Variants in OR4K1 observed in about 807,000 individuals in gnomAD.
OR4K1 encodes the protein olfactory receptor 4K1.
In OR4K1, 16 loss-of-function variants were observed where a neutral mutation model predicts 14.4. The ratio of observed to expected loss-of-function variants is 1.11; its 90% CI spans 0.75 to 1.68. The LOEUF (loss-of-function observed/expected upper bound fraction) is 1.68. Among genes scored for constraint, OR4K1 ranks in the 40% most tolerant of loss-of-function variants. The pLI, the probability that OR4K1 is intolerant of heterozygous loss-of-function variation, is 0.00. For synonymous variants in OR4K1, 181 were observed against 133.1 expected (o/e 1.36, Z -2.48); for missense variants, 548 against 376.9 (o/e 1.45, Z -3.76).
At chr14:19,927,984 T>G (rs1215716753), upstream of OR4K1, among the ~76,000 whole-genome samples, 1 of 152,226 alleles carries the variant, frequency 6.6e-6, no homozygotes, top group East Asian at 1.9e-4. Flanking sequence ...GATCCATTTT[T>G]CTGGGAAGCT....
the OR4K1 span, among the ~76,000 whole-genome samples, chr14:19,923,293 G>A: frequency 3.9e-5 from 6 of 152,146 alleles, no homozygotes; most frequent in Admixed American, 2.6e-4. Flanking sequence ...CCCATATTAC[G>A]CTGTTTTAAT....
rs760784894 is a variant in OR4K1 at position 19,935,690 on chromosome 14, G to A, written c.24G>A (p.Met8Ile). The A allele has an allele frequency of 6.2e-7, 1 of 1,603,426 alleles. No individual in the cohort carries two copies. Among genetic ancestry groups the A allele is most frequent in the South Asian group, 1.1e-5 (1 of 88,542 alleles). ...ACATGGCTCACACAAATGAATCGAT[G>A]GTGTCTGAGTTTGTACTTTTGGGAC... is the stretch of plus-strand genomic sequence containing the variant. Reference protein sequence around the residue: MAHTNESMVSEFVLLGLS... With the variant: MAHTNESIVSEFVLLGLS... Residue 8 changes from methionine to isoleucine, a missense_variant, in exon 2 of 2, where the codon ATG becomes ATA. By Grantham distance (10) the Met-to-Ile change is conservative. Transcript: ENST00000641172.
the OR4K1 span, chr14:19,921,270 C>T: frequency 6.2e-7 from 1 of 1,614,138 alleles, no homozygotes. Context: ...CATCATTATT[C>T]TTGTTACAGT....
upstream of OR4K1, among the ~76,000 whole-genome samples, chr14:19,926,078 T>G (rs1882058786): frequency 6.6e-6 from 1 of 152,266 alleles, no homozygotes; most frequent in Admixed American, 6.5e-5. Context: ...CTACATTTCA[T>G]CATAAATACT....
rs1260524670 is a variant in OR4K1 at position 19,936,490 on chromosome 14, A to G, written c.824A>G (p.Tyr275Cys). The G allele has an allele frequency of 1.2e-6, 2 of 1,613,946 alleles. No homozygotes were observed. Among genetic ancestry groups the G allele is most frequent in the Admixed American group, 3.3e-5 (2 of 60,016 alleles). The stretch of plus-strand genomic sequence containing the variant: ...GTGGACAAATTTCTTTCTGTGTTCT[A>G]CACTGTTTGTACTCCCTTGTTGAAC... ...LPVDKFLSVF[Y>C]TVCTPLLNPI... Residue 275 changes from tyrosine (Y) to cysteine (C), a missense_variant, in exon 2 of 2, where the codon TAC (tyrosine) becomes TGC (cysteine). Physicochemically the swap from Tyr to Cys is radical, Grantham distance 194. Coordinates refer to ENST00000641172, the MANE Select transcript of OR4K1 (RefSeq NM_001004063.3).
upstream of OR4K1, among the ~76,000 whole-genome samples, chr14:19,927,908 T>C (rs534951258): frequency 1.8e-4 from 28 of 152,336 alleles, no homozygotes; most frequent in African/African-American, 6.5e-4. Flanking sequence ...CAAAAGTATT[T>C]ACAGTGAAGA....
At chr14:19,921,317 T>C in the OR4K1 span, 8 of 1,614,202 alleles carry the variant, frequency 5.0e-6, no homozygotes, top group Non-Finnish European at 5.9e-6. Context: ...CAAAGGCATT[T>C]TCTACGCTGG....
Position 19,935,771 on chromosome 14 carries a change from T to A in OR4K1, c.105T>A (p.Tyr35Ter). 6.2e-7 allele frequency: 1 copy of A among 1,614,216 alleles called. No individual in the cohort carries two copies. The highest frequency in any genetic ancestry group is 1.3e-5 in the African/African-American group (1 of 75,086). ...LFFFAIFSIV[Y>*]VTSVLGNVLI... ...TTTTTGCCATCTTCTCTATAGTCTATGTGACATCAGTGCTAGGCAATGTCT... is the reference window on the plus strand; with the variant it reads ...TTTTTGCCATCTTCTCTATAGTCTAAGTGACATCAGTGCTAGGCAATGTCT... The change falls in exon 2 of 2, where the codon TAT becomes TAA. Residue 35 changes from tyrosine (Y) to a stop codon, truncating the protein, a stop_gained. Transcript: ENST00000641172. LOFTEE classifies it high-confidence loss of function.
At chr14:19,934,956 A>G (rs61111417) in intron 1 of OR4K1, among the ~76,000 whole-genome samples, 1 of 152,290 alleles carries the variant, frequency 6.6e-6, no homozygotes, top group South Asian at 2.1e-4. Context: ...TACAGGCATG[A>G]CCCACCGTGC....
chr14:19,932,481 C>A (rs1391758738), intron 1 of OR4K1, among the ~76,000 whole-genome samples: 1 of 152,170 alleles, frequency 6.6e-6, no homozygotes. Context: ...CAAGTGACAT[C>A]GCCATTTCAC....
the OR4K1 span, among the ~76,000 whole-genome samples, chr14:19,923,923 G>C: frequency 6.6e-6 from 1 of 152,154 alleles, no homozygotes; most frequent in African/African-American, 2.4e-5. Context: ...TGTGGGTTCT[G>C]TCTCCTGACT....
At position 19,935,797 on chromosome 14, in the gene OR4K1, T is replaced by G. The variant is rs1282641241; in HGVS notation, c.131T>G (p.Leu44Ter). ...VYVTSVLGNV[L>*]IIVIISFDSH... Reference sequence around the variant, plus strand: ...GTGACATCAGTGCTAGGCAATGTCTTAATTATTGTCATTATTTCTTTTGAC... The same window carrying G: ...GTGACATCAGTGCTAGGCAATGTCTGAATTATTGTCATTATTTCTTTTGAC... The change falls in exon 2 of 2, where the codon TTA (leucine) becomes TGA (stop). Residue 44 changes from leucine to a stop codon, truncating the protein, a stop_gained. Coordinates refer to ENST00000641172, the MANE Select transcript of OR4K1 (RefSeq NM_001004063.3). LOFTEE classifies it high-confidence loss of function. 1 of 1,614,204 alleles carries G rather than the reference T, an allele frequency of 6.2e-7. No homozygotes were observed. Among genetic ancestry groups the G allele is most frequent in the Admixed American group, 1.7e-5 (1 of 60,028 alleles).
At chr14:19,921,407 G>A in the OR4K1 span, 14 of 1,614,012 alleles carry the variant, frequency 8.7e-6, no homozygotes, top group Non-Finnish European at 1.2e-5. Flanking sequence ...TCTCTCCTTT[G>A]GATAAATTTC....
the OR4K1 span, among the ~76,000 whole-genome samples, chr14:19,920,413 A>G: frequency 6.6e-6 from 1 of 152,238 alleles, no homozygotes; most frequent in Non-Finnish European, 1.5e-5. Flanking sequence ...AGACATTTAC[A>G]TAAGTTCTTT....
intron 1 of OR4K1, 69 bp from the exon 2 acceptor site, chr14:19,935,579 C>T: frequency 1.7e-6 from 2 of 1,153,254 alleles, no homozygotes; most frequent in Non-Finnish European, 2.5e-6. Flanking sequence ...GACTATATTT[C>T]TTTTGTTTAT....
upstream of OR4K1, among the ~76,000 whole-genome samples, chr14:19,926,981 C>T (rs1042007731): frequency 2.6e-5 from 4 of 152,224 alleles, no homozygotes; most frequent in African/African-American, 9.6e-5. Context: ...TGACTGCCTA[C>T]ATGAAAAGCA....
upstream of OR4K1, among the ~76,000 whole-genome samples, chr14:19,928,951 G>A (rs550714323): frequency 6.6e-6 from 1 of 151,854 alleles, no homozygotes; most frequent in Non-Finnish European, 1.5e-5. Flanking sequence ...AATGTTGATT[G>A]TGGGTTTTTT....
At chr14:19,925,947 T>C (rs542156854), upstream of OR4K1, among the ~76,000 whole-genome samples, 24 of 152,250 alleles carry the variant, frequency 1.6e-4, no homozygotes, top group Non-Finnish European at 3.1e-4. Flanking sequence ...GAGTAGGTGA[T>C]TGCAAAGGCA....
At chr14:19,928,155 TCA>T (rs1297987263), upstream of OR4K1, among the ~76,000 whole-genome samples, 2 of 152,234 alleles carry the variant, frequency 1.3e-5, no homozygotes, top group African/African-American at 4.8e-5. Flanking sequence ...GCTAAAATAC[TCA>T]CAATCAGATA....
Sources: gnomAD v4.1 joint callset for allele counts (sites outside exome capture counted in the v4.1 genomes callset) on GRCh38, gnomAD v4.1.1 for gene constraint, MANE v1.5 for transcripts, NCBI Gene and HGNC (gene_info 2026-07-23, HGNC 2026-07-21) for gene names.